SH3RF1: variants seen among roughly 807,000 people sequenced by gnomAD.
SH3RF1 encodes E3 ubiquitin-protein ligase SH3RF1.
SH3RF1 carries 32 observed loss-of-function variants against 74.0 expected under a neutral mutation model. The observed-to-expected ratio is 0.43, with a 90% CI of 0.33 to 0.58. The LOEUF (loss-of-function observed/expected upper bound fraction) is 0.58. Ranked by LOEUF, SH3RF1 falls within the 20% of genes least tolerant of loss-of-function variation. SH3RF1 has a pLI of 0.05. For synonymous variants in SH3RF1, 396 were observed against 439.6 expected, an observed-to-expected ratio of 0.90 and a Z score of 1.24; for missense variants, 954 against 1,130.9, an observed-to-expected ratio of 0.84 and a Z score of 2.24.
intron 9 of SH3RF1, 71 bp downstream of exon 9, chr4:169,117,452 G>T: frequency 6.4e-7 from 1 of 1,570,292 alleles, no homozygotes; most frequent in Non-Finnish European, 8.7e-7. Flanking sequence ...CTCAACATCT[G>T]TCATAAAAGA....
At chr4:169,152,641 G>C (rs962674206) in intron 4 of SH3RF1, among the ~76,000 whole-genome samples, 1 of 152,172 alleles carries the variant, frequency 6.6e-6, no homozygotes, top group Non-Finnish European at 1.5e-5. Flanking sequence ...GGAGGCTGAC[G>C]CAAGAGAATT....
At chr4:169,183,004 G>A (rs984748845) in intron 2 of SH3RF1, among the ~76,000 whole-genome samples, 1 of 152,130 alleles carries the variant, frequency 6.6e-6, no homozygotes, top group Non-Finnish European at 1.5e-5. Flanking sequence ...CAACATAGCA[G>A]GGCAGGGAGT....
chr4:169,196,113 C>A (rs563740639), intron 2 of SH3RF1, among the ~76,000 whole-genome samples: 1 of 152,128 alleles, frequency 6.6e-6, no homozygotes, highest in Non-Finnish European at 1.5e-5. Flanking sequence ...CCACGCCCAG[C>A]GAACACAATA....
chr4:169,170,786 T>C (rs556484127), intron 2 of SH3RF1, among the ~76,000 whole-genome samples: 1 of 152,306 alleles, frequency 6.6e-6, no homozygotes, highest in Non-Finnish European at 1.5e-5. Flanking sequence ...CTGATCTGTC[T>C]GAAATACAAC....
chr4:169,161,162 C>T lies in SH3RF1; in HGVS notation c.394-4483G>A, dbSNP rs116723564. On this transcript the variant is annotated intron_variant, in intron 2 of 11. Transcript: ENST00000284637. ...AAAGGAGAGAAAGCCAAAGAGAAAC[C>T]GACTCTGCAGTCTAACCTTGGGTTT... Among the ~76,000 whole-genome samples the T allele has an allele frequency of 7.3e-3, 1,115 of 152,318 alleles. 14 individuals carry two copies. Among genetic ancestry groups the T allele is most frequent in the African/African-American group, 0.026 (1,065 of 41,564 alleles).
chr4:169,178,834 C>CA (rs1734464555), intron 2 of SH3RF1, among the ~76,000 whole-genome samples: 2 of 152,182 alleles, frequency 1.3e-5, no homozygotes, highest in Non-Finnish European at 2.9e-5. Flanking sequence ...TGCTCTCCCC[C>CA]AAAATGGGTT....
At chr4:169,118,897 C>A (rs1009403357) in intron 8 of SH3RF1, among the ~76,000 whole-genome samples, 3 of 152,168 alleles carry the variant, frequency 2.0e-5, no homozygotes, top group Non-Finnish European at 1.5e-5. Flanking sequence ...CTCTAAACAT[C>A]TATTTACTCA....
intron 2 of SH3RF1, among the ~76,000 whole-genome samples, chr4:169,264,234 T>C (rs986625550): frequency 2.0e-5 from 3 of 152,172 alleles, no homozygotes; most frequent in African/African-American, 7.2e-5. Flanking sequence ...TGAAGGCAAC[T>C]CTCCTTGGTT....
intron 2 of SH3RF1, 49 bp downstream of exon 2, chr4:169,268,771 G>A (rs2110767061): frequency 6.6e-7 from 1 of 1,509,986 alleles, no homozygotes; most frequent in Admixed American, 2.3e-5. Flanking sequence ...AAGAAAAAAT[G>A]TGGACATTAC....
rs146405911 is a variant in SH3RF1 at position 169,238,004 on chromosome 4, C to T, written c.393+30816G>A. 2.2e-3 allele frequency among the ~76,000 whole-genome samples: 332 copies of T among 152,272 alleles called. 3 individuals are homozygous for T. The highest frequency in any genetic ancestry group is 7.8e-3 in the African/African-American group (324 of 41,548). The stretch of plus-strand genomic sequence containing the variant: ...GGTCGGGTTAGCAAGAATCCCCCTA[C>T]ACTTGATGTCTCCTCTTAATAATTT... On this transcript the variant is annotated intron_variant, in intron 2 of 11. Coordinates refer to ENST00000284637, the MANE Select transcript of SH3RF1 (RefSeq NM_020870.4).
intron 2 of SH3RF1, among the ~76,000 whole-genome samples, chr4:169,208,516 T>C (rs908734290): frequency 6.6e-6 from 1 of 152,198 alleles, no homozygotes; most frequent in African/African-American, 2.4e-5. Context: ...GTGTATGATA[T>C]AATAATAAAT....
At chr4:169,105,736 A>T (rs938139172) in intron 11 of SH3RF1, among the ~76,000 whole-genome samples, 1 of 152,226 alleles carries the variant, frequency 6.6e-6, no homozygotes, top group Admixed American at 6.5e-5. Context: ...TTACAAAAAA[A>T]TTAGCTGGGA....
chr4:169,122,405 C>T, intron 6 of SH3RF1, 139 bp from the exon 7 acceptor site: 1 of 964,796 alleles, frequency 1.0e-6, no homozygotes, highest in Non-Finnish European at 1.5e-6. Flanking sequence ...AGGGCAGAAT[C>T]AGCAGGCTAA....
intron 2 of SH3RF1, among the ~76,000 whole-genome samples, chr4:169,250,670 T>C (rs1731088242): frequency 6.6e-6 from 1 of 152,178 alleles, no homozygotes; most frequent in African/African-American, 2.4e-5. Context: ...TGGAGCCTAC[T>C]GCCTATTGTG....
intron 2 of SH3RF1, among the ~76,000 whole-genome samples, chr4:169,240,852 T>C (rs1010211728): frequency 4.6e-4 from 70 of 152,192 alleles, no homozygotes; most frequent in African/African-American, 1.6e-3. Flanking sequence ...AGATGATCCA[T>C]GTATTCACCA....
chr4:169,101,456 A>AG (rs1279061701), intron 11 of SH3RF1, among the ~76,000 whole-genome samples: 1 of 152,074 alleles, frequency 6.6e-6, no homozygotes, highest in Non-Finnish European at 1.5e-5. Flanking sequence ...GGCCTGGAGG[A>AG]GGGGGAATGA....
intron 6 of SH3RF1, among the ~76,000 whole-genome samples, chr4:169,124,466 A>G (rs1205154942): frequency 6.6e-6 from 1 of 152,258 alleles, no homozygotes; most frequent in Non-Finnish European, 1.5e-5. Flanking sequence ...AGAGTTAGAC[A>G]TTAAGATATG....
intron 6 of SH3RF1, among the ~76,000 whole-genome samples, chr4:169,124,078 A>G (rs1188181604): frequency 6.6e-6 from 1 of 152,114 alleles, no homozygotes; most frequent in Non-Finnish European, 1.5e-5. Context: ...ATAATGCATC[A>G]GCAGTTTGAC....
intron 2 of SH3RF1, among the ~76,000 whole-genome samples, chr4:169,266,462 A>G (rs1461945983): frequency 6.6e-6 from 1 of 152,220 alleles, no homozygotes; most frequent in Non-Finnish European, 1.5e-5. Context: ...ATGTGGCTTC[A>G]TGTTACAGAA....
Sources: gnomAD v4.1 joint callset for allele counts (sites outside exome capture counted in the v4.1 genomes callset) on GRCh38, gnomAD v4.1.1 for gene constraint, MANE v1.5 for transcripts, NCBI Gene and HGNC (gene_info 2026-07-23, HGNC 2026-07-21) for gene names.